BRDT: variants seen among roughly 807,000 people sequenced by gnomAD.
BRDT encodes the protein bromodomain testis-specific protein.
In BRDT, 77 loss-of-function variants were observed where a neutral mutation model predicts 113.9. The ratio of observed to expected loss-of-function variants is 0.68; its 90% CI spans 0.56 to 0.82. BRDT has a LOEUF of 0.82. Ranked by LOEUF, BRDT falls within the 40% of genes least tolerant of loss-of-function variation. BRDT has a pLI of 0.00. For synonymous variants in BRDT, 358 were observed against 366.5 expected (o/e 0.98, Z 0.26); for missense variants, 1,027 against 1,105.4 (o/e 0.93, Z 1.01).
intron 1 of BRDT, among the ~76,000 whole-genome samples, chr1:91,955,869 T>A (rs527239172): frequency 1.3e-5 from 2 of 152,220 alleles, no homozygotes; most frequent in Admixed American, 6.5e-5. Flanking sequence ...GACAATGATA[T>A]CAGAATTATT....
intron 4 of BRDT, among the ~76,000 whole-genome samples, chr1:91,970,021 G>A (rs535492959): frequency 2.8e-4 from 42 of 151,744 alleles, no homozygotes; most frequent in African/African-American, 9.2e-4. Flanking sequence ...GTAGAGATGG[G>A]GTTTCACCAT....
intron 12 of BRDT, among the ~76,000 whole-genome samples, chr1:91,981,986 A>G (rs1052163546): frequency 6.6e-6 from 1 of 152,198 alleles, no homozygotes; most frequent in Non-Finnish European, 1.5e-5. Context: ...ATGCTGAAAA[A>G]AAGTTTACTC....
intron 7 of BRDT, among the ~76,000 whole-genome samples, chr1:91,979,159 G>C (rs1417187860): frequency 6.7e-6 from 1 of 150,042 alleles, no homozygotes; most frequent in East Asian, 2.0e-4. Flanking sequence ...TGTTGCCCAG[G>C]CTGGAGTGTA....
At chr1:91,976,025 C>G (rs904477268) in intron 4 of BRDT, among the ~76,000 whole-genome samples, 3 of 152,110 alleles carry the variant, frequency 2.0e-5, no homozygotes, top group African/African-American at 7.2e-5. Context: ...TTGGTTTAAG[C>G]CAGGCACCTT....
chr1:91,984,834 T>C (rs1685064108), intron 12 of BRDT, among the ~76,000 whole-genome samples: 1 of 152,112 alleles, frequency 6.6e-6, no homozygotes, highest in Non-Finnish European at 1.5e-5. Context: ...GTATAGGGTT[T>C]CAACATGTTT....
intron 12 of BRDT, among the ~76,000 whole-genome samples, chr1:91,985,787 C>T (rs1162333896): frequency 6.6e-6 from 1 of 151,678 alleles, no homozygotes; most frequent in East Asian, 2.0e-4. Context: ...TACAGGCGCC[C>T]GCCACCACGC....
rs564633786 is a variant in BRDT, at chr1:91,994,072, T to A, written c.2116-11T>A. On this transcript the variant is annotated splice_polypyrimidine_tract_variant and intron_variant, in intron 14 of 18. Coordinates refer to ENST00000399546, the MANE Select transcript of BRDT (RefSeq NM_207189.4). ...TAAAACTAAGTGATAACTTTGATTT[T>A]GTTTTAACAGATAGGATATTGTGTG... 1 of 1,583,872 alleles carries A rather than the reference T, an allele frequency of 6.3e-7. No homozygotes were observed. The highest frequency in any genetic ancestry group is 8.6e-7 in the Non-Finnish European group (1 of 1,168,722).
chr1:91,996,279 C>T (rs549509962), intron 15 of BRDT, among the ~76,000 whole-genome samples: 1 of 152,234 alleles, frequency 6.6e-6, no homozygotes, highest in East Asian at 1.9e-4. Flanking sequence ...CACAGAGTCT[C>T]GCCCTGTTGC....
chr1:91,960,271 T>C (rs1362077855), intron 1 of BRDT, among the ~76,000 whole-genome samples: 1 of 152,054 alleles, frequency 6.6e-6, no homozygotes, highest in African/African-American at 2.4e-5. Flanking sequence ...GTATTCACAA[T>C]ATAGTCAAGA....
At chr1:91,984,313 A>C (rs927433080) in intron 12 of BRDT, among the ~76,000 whole-genome samples, 6 of 152,206 alleles carry the variant, frequency 3.9e-5, no homozygotes, top group African/African-American at 1.4e-4. Context: ...TAAACTAAGA[A>C]CATTTTTTAC....
rs151227293 is a variant in BRDT at position 91,981,628 on chromosome 1, G to T, written c.1875G>T (p.Thr625=). 1.3e-5 allele frequency: 21 copies of T among 1,613,090 alleles called. No homozygotes were observed. In the African/African-American group the frequency reaches 2.7e-4, roughly 21 times the overall value. ...SRKRQTKSDK[T]QPSKAVENVS... ...TTCTCTGTTTTGTAGCTGATAAAAC[G>T]CAACCATCCAAAGCTGTTGAAAATG... The change falls in exon 12 of 19, where the codon ACG becomes ACT. Residue 625 remains threonine, a synonymous_variant. Transcript: ENST00000399546.
chr1:91,970,649 T>C (rs528723069), intron 4 of BRDT, among the ~76,000 whole-genome samples: 1 of 152,308 alleles, frequency 6.6e-6, no homozygotes, highest in South Asian at 2.1e-4. Context: ...TTGTGGCTCA[T>C]GGCTGTAATG....
chr1:91,996,358 C>T (rs1686335314), intron 15 of BRDT, among the ~76,000 whole-genome samples: 1 of 152,190 alleles, frequency 6.6e-6, no homozygotes, highest in Admixed American at 6.5e-5. Flanking sequence ...AAGCAATTCT[C>T]ATGCCTCAGC....
At chr1:91,987,423 T>A (rs1685351822) in intron 12 of BRDT, among the ~76,000 whole-genome samples, 1 of 152,094 alleles carries the variant, frequency 6.6e-6, no homozygotes, top group Non-Finnish European at 1.5e-5. Context: ...AACCTACGCT[T>A]CCTGGGTTCA....
chr1:91,962,616 G>A, intron 1 of BRDT, 102 bp from the exon 2 acceptor site: 3 of 640,366 alleles, frequency 4.7e-6, no homozygotes, highest in African/African-American at 3.8e-5. Flanking sequence ...TTACAGGCCT[G>A]AGCCACTGTG....
intron 12 of BRDT, among the ~76,000 whole-genome samples, chr1:91,987,606 A>G (rs1251116548): frequency 1.3e-5 from 2 of 152,076 alleles, no homozygotes; most frequent in African/African-American, 4.8e-5. Context: ...TCAGCCTCTC[A>G]AAGTGCTGGG....
In BRDT at chr1:91,976,402, A is replaced by G. The variant is rs200470159; in HGVS notation, c.582A>G (p.Gly194=). 105 of 1,600,442 alleles carry G rather than the reference A, an allele frequency of 6.6e-5. No individual in the cohort carries two copies. The highest frequency in any genetic ancestry group is 1.8e-4 in the Admixed American group (10 of 57,124). Residue 194 remains glycine, a synonymous_variant, in exon 5 of 19, where the codon GGA becomes GGG. Coordinates refer to ENST00000399546, the MANE Select transcript of BRDT (RefSeq NM_207189.4). ...TTTCTCCCTTGAACGTGGTACAGGG[A>G]GCTTCAGTCAACTCCAGTTCACAAA... The part of the protein sequence containing the change: ...TSISPLNVVQ[G]ASVNSSSQTA...
chr1:91,963,275 T>C (rs575338045), intron 2 of BRDT, among the ~76,000 whole-genome samples: 1 of 152,276 alleles, frequency 6.6e-6, no homozygotes, highest in East Asian at 1.9e-4. Flanking sequence ...TAAGCCGAGA[T>C]TGTGCCATTG....
Position 91,974,141 on chromosome 1 carries a change from G to C in BRDT, c.446-2125G>C, listed in dbSNP as rs183619393. On this transcript the variant is annotated intron_variant, in intron 4 of 18. Transcript: ENST00000399546. ...CCTTATACAAAAATTAATTCAAGAT[G>C]GATTAAAGACTTAAACGTTAGACCT... 3.1e-3 allele frequency among the ~76,000 whole-genome samples: 476 copies of C among 152,120 alleles called. 3 individuals carry two copies. Among genetic ancestry groups the C allele is most frequent in the African/African-American group, 0.011 (460 of 41,508 alleles).
Sources: allele counts gnomAD v4.1 joint callset (sites outside exome capture counted in the v4.1 genomes callset), GRCh38; gene constraint gnomAD v4.1.1; transcripts MANE v1.5; gene names NCBI Gene and HGNC (gene_info 2026-07-23, HGNC 2026-07-21).